The following LRP2 variants were observed in gnomAD, a reference collection of about 807,000 sequenced individuals.
LRP2 encodes low-density lipoprotein receptor-related protein 2.
Under a neutral mutation model 531.0 loss-of-function variants are expected in LRP2, and 172 were observed. The ratio of observed to expected loss-of-function variants is 0.32; its 90% confidence interval spans 0.29 to 0.37. The LOEUF is 0.37. Among genes scored for constraint, LRP2 ranks in the 10% least tolerant of loss-of-function variants. The pLI, the probability that LRP2 is intolerant of heterozygous loss-of-function variation, is 1.00. For missense variants in LRP2, 5,167 were observed against 5,868.3 expected (o/e 0.88, Z 3.90); for synonymous variants, 1,992 against 2,027.6 (o/e 0.98, Z 0.47).
chr2:169,196,800 G>A (rs1574121349), intron 46 of LRP2, 111 bp downstream of exon 46: 1 of 1,437,508 alleles, frequency 7.0e-7, no homozygotes. Flanking sequence ...GCTGGGACAG[G>A]AAGTCCAAGC....
At chr2:169,257,088 G>C (rs770860571) in intron 18 of LRP2, 36 bp downstream of exon 18, 1 of 1,610,602 alleles carries the variant, frequency 6.2e-7, no homozygotes, top group Non-Finnish European at 8.5e-7. Context: ...TGCAGTAAAA[G>C]AGAACTAAGT....
At chr2:169,154,384 A>T in intron 66 of LRP2, 76 bp downstream of exon 66, 2 of 1,367,934 alleles carry the variant, frequency 1.5e-6, no homozygotes, top group Non-Finnish European at 2.1e-6. Flanking sequence ...TAAACAATAA[A>T]TTCCTTAAAA....
intron 63 of LRP2, among the ~76,000 whole-genome samples, chr2:169,158,868 C>T (rs1227500636): frequency 6.7e-6 from 1 of 148,816 alleles, no homozygotes; most frequent in African/African-American, 2.5e-5. Flanking sequence ...AAAAAAAACA[C>T]AGTTTATTTT....
intron 51 of LRP2, 142 bp downstream of exon 51, chr2:169,182,025 T>C: frequency 9.5e-7 from 1 of 1,050,836 alleles, no homozygotes. Flanking sequence ...CTCATTACAC[T>C]AAACAATTTA....
intron 1 of LRP2, among the ~76,000 whole-genome samples, chr2:169,324,894 C>A (rs1685005662): frequency 6.6e-6 from 1 of 152,038 alleles, no homozygotes; most frequent in South Asian, 2.1e-4. Flanking sequence ...GTGTAGAATT[C>A]TCTTTGTAAA....
chr2:169,175,889 C>A (rs1240986898), intron 54 of LRP2, among the ~76,000 whole-genome samples: 2 of 152,214 alleles, frequency 1.3e-5, no homozygotes, highest in Non-Finnish European at 2.9e-5. Flanking sequence ...TAATGCCTCT[C>A]TCCATGCCAC....
chr2:169,152,727 C>T (rs1018227560), intron 67 of LRP2, 72 bp downstream of exon 67: 2 of 1,534,520 alleles, frequency 1.3e-6, no homozygotes, highest in African/African-American at 2.7e-5. Flanking sequence ...TCACTCATGG[C>T]CCATGGAGTG....
At chr2:169,138,790 C>A in intron 74 of LRP2, 84 bp from the exon 75 acceptor site, 1 of 1,482,800 alleles carries the variant, frequency 6.7e-7, no homozygotes, top group Non-Finnish European at 9.4e-7. Context: ...ACAATAGTAC[C>A]CTCTCCTCCA....
chr2:169,346,885 A>G (rs528449879), intron 1 of LRP2, among the ~76,000 whole-genome samples: 111 of 152,320 alleles, frequency 7.3e-4, no homozygotes, highest in African/African-American at 2.5e-3. Context: ...CTCAGTTTCA[A>G]TTGCTAACTA....
rs939753860 is a variant in LRP2 at position 169,209,358 on chromosome 2, C to A, written c.6469+95G>T. On this transcript the variant is annotated intron_variant, in intron 38 of 78. Transcript: ENST00000649046. ...TGGTCTTAATAATTGTCTAGAAAAA[C>A]AAACCTGTAGCACATGGAGTTAGGC... The A allele has an allele frequency of 2.4e-6, 3 of 1,253,808 alleles. No homozygotes were observed. The African/African-American group carries it at 4.4e-5, about 18-fold the overall frequency. 77.7% of individuals were successfully genotyped at this position (1,253,808 alleles called of 1,614,324 possible).
At chr2:169,351,734 A>C (rs1432535261) in intron 1 of LRP2, among the ~76,000 whole-genome samples, 4 of 152,212 alleles carry the variant, frequency 2.6e-5, no homozygotes, top group Non-Finnish European at 4.4e-5. Flanking sequence ...CATGAATGTC[A>C]AGCGAGGCTA....
At chr2:169,141,664 C>A (rs1306045735) in intron 71 of LRP2, among the ~76,000 whole-genome samples, 1 of 152,228 alleles carries the variant, frequency 6.6e-6, no homozygotes, top group Non-Finnish European at 1.5e-5. Flanking sequence ...GATGAGGTGA[C>A]AACCAGGACC....
chr2:169,168,257 C>A (rs575890978), intron 61 of LRP2, among the ~76,000 whole-genome samples: 55 of 151,728 alleles, frequency 3.6e-4, no homozygotes, highest in Non-Finnish European at 6.9e-4. Flanking sequence ...CCACAACAGA[C>A]CTGCCTTTAT....
chr2:169,361,000 C>T (rs1177791983), intron 1 of LRP2, among the ~76,000 whole-genome samples: 2 of 152,206 alleles, frequency 1.3e-5, no homozygotes, highest in East Asian at 1.9e-4. Flanking sequence ...CATTCCCCAC[C>T]CATCAACCCC....
chr2:169,174,512 T>G (rs1687117277), intron 55 of LRP2, among the ~76,000 whole-genome samples: 1 of 152,174 alleles, frequency 6.6e-6, no homozygotes, highest in Non-Finnish European at 1.5e-5. Flanking sequence ...TGGGGGAATT[T>G]TATTTTGTGC....
intron 35 of LRP2, among the ~76,000 whole-genome samples, chr2:169,215,007 C>T (rs914966250): frequency 6.6e-6 from 1 of 152,192 alleles, no homozygotes; most frequent in Non-Finnish European, 1.5e-5. Flanking sequence ...AGTCACACCA[C>T]TAACAAGCAC....
chr2:169,184,393 CA>C (rs1687550784), intron 50 of LRP2, among the ~76,000 whole-genome samples: 1 of 152,208 alleles, frequency 6.6e-6, no homozygotes, highest in African/African-American at 2.4e-5. Flanking sequence ...CAACTGTCCC[CA>C]CCCATTTTAG....
intron 16 of LRP2, among the ~76,000 whole-genome samples, chr2:169,262,938 G>A (rs952462774): frequency 2.6e-5 from 4 of 151,950 alleles, no homozygotes; most frequent in African/African-American, 4.8e-5. Context: ...CAGAAATAAC[G>A]CCGTATATCT....
intron 1 of LRP2, 103 bp downstream of exon 1, chr2:169,362,218 C>T: frequency 9.5e-7 from 1 of 1,056,060 alleles, no homozygotes; most frequent in Non-Finnish European, 1.4e-6. Flanking sequence ...CCGCCCGGCC[C>T]TAGCCCCTGC....
Sources: gnomAD v4.1 joint callset for allele counts (sites outside exome capture counted in the v4.1 genomes callset) on GRCh38, gnomAD v4.1.1 for gene constraint, MANE v1.5 for transcripts, NCBI Gene and HGNC (gene_info 2026-07-23, HGNC 2026-07-21) for gene names.